ZNF292: variants seen among roughly 807,000 people sequenced by gnomAD.
ZNF292 encodes the protein zinc finger protein 292.
ZNF292 carries 26 observed loss-of-function variants against 217.9 expected under a neutral mutation model. The observed-to-expected ratio is 0.12, with a 90% CI of 0.09 to 0.17. The LOEUF is 0.17. Among genes scored for constraint, ZNF292 ranks in the 10% least tolerant of loss-of-function variants. The pLI, the probability that ZNF292 is intolerant of heterozygous loss-of-function variation, is 1.00. For synonymous variants in ZNF292, 1,257 were observed against 1,124.1 expected (o/e 1.12, Z -2.37); for missense variants, 2,904 against 3,175.2 (o/e 0.91, Z 2.05).
chr6:87,243,349 G>T, intron 5 of ZNF292, 126 bp from the exon 6 acceptor site: 1 of 628,958 alleles, frequency 1.6e-6, no homozygotes, highest in Middle Eastern at 4.8e-4. Context: ...TGACTTGATA[G>T]TGTATGAATT....
chr6:87,237,358 C>G (rs1029101119), intron 5 of ZNF292, among the ~76,000 whole-genome samples: 6 of 152,120 alleles, frequency 3.9e-5, no homozygotes, highest in African/African-American at 1.4e-4. Flanking sequence ...AATTTTGCCT[C>G]AGCCTCCCAA....
intron 7 of ZNF292, among the ~76,000 whole-genome samples, chr6:87,252,374 A>G (rs562980537): frequency 6.6e-6 from 1 of 152,096 alleles, no homozygotes; most frequent in South Asian, 2.1e-4. Flanking sequence ...GCTGGTCTCA[A>G]ACTTCTGACC....
intron 1 of ZNF292, among the ~76,000 whole-genome samples, chr6:87,213,015 A>G (rs532190495): frequency 1.3e-5 from 2 of 152,242 alleles, no homozygotes; most frequent in South Asian, 4.1e-4. Context: ...GACAAACAGC[A>G]GATTAATAGG....
At chr6:87,174,591 C>T (rs954298046) in intron 1 of ZNF292, among the ~76,000 whole-genome samples, 13 of 152,206 alleles carry the variant, frequency 8.5e-5, no homozygotes, top group South Asian at 8.3e-4. Flanking sequence ...CTACTGCTTG[C>T]TTCGCTGTAC....
intron 1 of ZNF292, among the ~76,000 whole-genome samples, chr6:87,212,712 A>G (rs1487903220): frequency 2.0e-5 from 3 of 152,152 alleles, no homozygotes; most frequent in Admixed American, 6.5e-5. Flanking sequence ...TTCTTGTATA[A>G]TCTTTCCTAG....
intron 3 of ZNF292, among the ~76,000 whole-genome samples, chr6:87,217,688 C>T (rs1259597951): frequency 6.6e-6 from 1 of 152,098 alleles, no homozygotes; most frequent in African/African-American, 2.4e-5. Flanking sequence ...TAACTCTTTA[C>T]ATCCCTCTAC....
chr6:87,168,854 A>G (rs1770999249), intron 1 of ZNF292, among the ~76,000 whole-genome samples: 1 of 152,132 alleles, frequency 6.6e-6, no homozygotes, highest in South Asian at 2.1e-4. Flanking sequence ...AATTGGCTCC[A>G]GGACCCCCCT....
intron 1 of ZNF292, among the ~76,000 whole-genome samples, chr6:87,184,505 G>A (rs546648568): frequency 7.5e-5 from 10 of 133,104 alleles, no homozygotes; most frequent in Non-Finnish European, 1.1e-4. Flanking sequence ...GGACAGTTCC[G>A]TAGATGTCTT....
At chr6:87,216,570 T>G (rs1772791794) in intron 3 of ZNF292, among the ~76,000 whole-genome samples, 193 bp downstream of exon 3, 1 of 152,056 alleles carries the variant, frequency 6.6e-6, no homozygotes, top group African/African-American at 2.4e-5. Flanking sequence ...TACATTTAGA[T>G]AGATTGAATA....
chr6:87,261,660 C>G lies in ZNF292; in HGVS notation c.8031C>G (p.Cys2677Trp). Residue 2677 changes from cysteine (C) to tryptophan (W), a missense_variant, in exon 8 of 8, where the codon TGC becomes TGG. Physicochemically the swap from Cys to Trp is radical, Grantham distance 215. Around this residue, in one of 15 missense-constraint regions of ZNF292, gnomAD observed 380 missense variants for 355.3 expected, o/e 1.07. Transcript: ENST00000369577. ...TTTTAGACAAGAATCTTAAAGATTG[C>G]ACTGAGCTTGTCTTAAAGCAACTTC... is the stretch of plus-strand genomic sequence containing the variant. ...KIVLDKNLKDCTELVLKQLQE... is the reference protein window; with the variant it reads ...KIVLDKNLKDWTELVLKQLQE... 6.2e-7 allele frequency: 1 copy of G among 1,612,500 alleles called. No individual in the cohort carries two copies. The highest frequency in any genetic ancestry group is 8.5e-7 in the Non-Finnish European group (1 of 1,179,170).
rs1271322510 is a variant in ZNF292 at position 87,263,369 on chromosome 6, G to A, written c.*1568G>A. 1 of 151,892 alleles carries A rather than the reference G, an allele frequency of 6.6e-6. No homozygotes were observed. Among genetic ancestry groups the A allele is most frequent in the Non-Finnish European group, 1.5e-5 (1 of 67,904 alleles). The allele number at this position is 151,892 out of a possible 1,614,324, so 9.4% of individuals were successfully genotyped here. ...AATATTATTGGCCTGAGATATTGATGATATTGTGATGGTATGAAAATGTGT... is the reference window on the plus strand; with the variant it reads ...AATATTATTGGCCTGAGATATTGATAATATTGTGATGGTATGAAAATGTGT... On this transcript the variant is annotated 3_prime_UTR_variant, in exon 8 of 8. Coordinates refer to ENST00000369577, the MANE Select transcript of ZNF292 (RefSeq NM_015021.3).
chr6:87,171,943 A>T (rs964924946), intron 1 of ZNF292, among the ~76,000 whole-genome samples: 1 of 152,264 alleles, frequency 6.6e-6, no homozygotes, highest in African/African-American at 2.4e-5. Context: ...CTATGAGATT[A>T]GCACTATGTC....
Position 87,262,626 on chromosome 6 carries a change from A to G in ZNF292, c.*825A>G, listed in dbSNP as rs914215792. ...GATTTTAAACATTTGGTATTAAAAA[A>G]AAATCCTTTGTGAATGTGATAGAAA... On this transcript the variant is annotated 3_prime_UTR_variant, in exon 8 of 8. Coordinates refer to ENST00000369577, the MANE Select transcript of ZNF292 (RefSeq NM_015021.3). The G allele has an allele frequency of 3.3e-5, 5 of 152,162 alleles. No individual in the cohort carries two copies. In the East Asian group the frequency reaches 9.6e-4, roughly 29 times the overall value. 9.4% of individuals were successfully genotyped at this position (152,162 alleles called of 1,614,324 possible).
chr6:87,196,406 A>T lies in ZNF292; in HGVS notation c.169-19497A>T, dbSNP rs60985358. Among the ~76,000 whole-genome samples, 1,089 of 152,190 alleles carry T rather than the reference A, an allele frequency of 7.2e-3. 11 individuals carry two copies. Among genetic ancestry groups the T allele is most frequent in the African/African-American group, 0.024 (988 of 41,512 alleles). On this transcript the variant is annotated intron_variant, in intron 1 of 7. Transcript: ENST00000369577. Reference sequence around the variant, plus strand: ...GGTCAGTCCCCTCTTTTGACTGTTTACTTTTGTAAAATGTCAAATCAGTGT... The same window carrying T: ...GGTCAGTCCCCTCTTTTGACTGTTTTCTTTTGTAAAATGTCAAATCAGTGT...
chr6:87,190,932 G>T (rs902665726), intron 1 of ZNF292, among the ~76,000 whole-genome samples: 3 of 151,900 alleles, frequency 2.0e-5, no homozygotes, highest in Non-Finnish European at 4.4e-5. Flanking sequence ...TCCTTAAATT[G>T]TTCCACTCTT....
intron 1 of ZNF292, among the ~76,000 whole-genome samples, chr6:87,205,374 T>G (rs1456738451): frequency 6.6e-6 from 1 of 152,154 alleles, no homozygotes; most frequent in African/African-American, 2.4e-5. Flanking sequence ...ATGCCCAGCC[T>G]GCTTGCTGGA....
chr6:87,261,728 A>T lies in ZNF292; in HGVS notation c.8099A>T (p.His2700Leu), dbSNP rs757914663. Residue 2700 changes from histidine (H) to leucine (L), a missense_variant, in exon 8 of 8, where the codon CAT (histidine) becomes CTT (leucine). Coordinates refer to ENST00000369577, the MANE Select transcript of ZNF292 (RefSeq NM_015021.3). ...GTCAGTCTGAAAAAACTTGAAGTAC[A>T]TTCAAATGATCCAGATATGTCTGTT... The part of the protein sequence containing the change: ...PTVSLKKLEV[H>L]SNDPDMSVMK... 6.2e-7 allele frequency: 1 copy of T among 1,613,122 alleles called. No individual in the cohort carries two copies. The highest frequency in any genetic ancestry group is 1.1e-5 in the South Asian group (1 of 91,058).
Position 87,255,925 on chromosome 6 carries a change from G to A in ZNF292, c.2296G>A (p.Glu766Lys). ...TAAAGCTGGTTTTAATAGTTACGCCGAGCTTTTAACCCACCGAAAGGAGCA... is the reference window on the plus strand; with the variant it reads ...TAAAGCTGGTTTTAATAGTTACGCCAAGCTTTTAACCCACCGAAAGGAGCA... ...KCKAGFNSYA[E>K]LLTHRKEHQV... The change falls in exon 8 of 8, where the codon GAG (glutamate) becomes AAG (lysine). Residue 766 changes from glutamate to lysine, a missense_variant. Around this residue, in one of 15 missense-constraint regions of ZNF292, gnomAD observed 216 missense variants for 308.3 expected, o/e 0.70. Transcript: ENST00000369577. 2.5e-6 allele frequency: 4 copies of A among 1,613,362 alleles called. No individual in the cohort carries two copies. The highest frequency in any genetic ancestry group is 3.4e-6 in the Non-Finnish European group (4 of 1,179,676).
chr6:87,182,847 A>T (rs1438093794), intron 1 of ZNF292, among the ~76,000 whole-genome samples: 1 of 152,190 alleles, frequency 6.6e-6, no homozygotes, highest in South Asian at 2.1e-4. Flanking sequence ...ACAGCAGGAC[A>T]CCAGAATCTT....
Sources: gnomAD v4.1 joint callset for allele counts (sites outside exome capture counted in the v4.1 genomes callset) on GRCh38, gnomAD v4.1.1 for gene constraint, gnomAD v4.1.1 regional missense constraint, MANE v1.5 for transcripts, NCBI Gene and HGNC (gene_info 2026-07-23, HGNC 2026-07-21) for gene names.